ODAD2: variants seen among roughly 807,000 people sequenced by gnomAD.
ODAD2 encodes outer dynein arm-docking complex subunit 2.
In ODAD2, 89 loss-of-function variants were observed where a neutral mutation model predicts 106.8. That is an observed-to-expected ratio of 0.83 (90% CI 0.70 to 0.99). The LOEUF (loss-of-function observed/expected upper bound fraction) is 0.99, where lower values mean the gene tolerates loss of function less well. Among genes scored for constraint, ODAD2 ranks in the 50% least tolerant of loss-of-function variants. The pLI, the probability that ODAD2 is intolerant of heterozygous loss-of-function variation, is 0.00. For synonymous variants in ODAD2, 404 were observed against 436.2 expected (o/e 0.93, Z 0.92); for missense variants, 1,168 against 1,238.5 (o/e 0.94, Z 0.85).
intron 19 of ODAD2, among the ~76,000 whole-genome samples, chr10:27,825,615 A>G (rs1408584441): frequency 6.6e-6 from 1 of 152,218 alleles, no homozygotes; most frequent in Non-Finnish European, 1.5e-5. Flanking sequence ...CTTCATGACT[A>G]AGCTATTAAT....
At chr10:27,854,712 C>A (rs1402174031) in intron 19 of ODAD2, among the ~76,000 whole-genome samples, 4 of 151,924 alleles carry the variant, frequency 2.6e-5, no homozygotes, top group African/African-American at 9.7e-5. Context: ...GCCCAGATCG[C>A]GCCACTGAAC....
At chr10:27,973,474 C>G (rs1338248443) in intron 7 of ODAD2, among the ~76,000 whole-genome samples, 1 of 152,060 alleles carries the variant, frequency 6.6e-6, no homozygotes, top group Non-Finnish European at 1.5e-5. Context: ...TTTTTCTGAT[C>G]TTCTCCCTCC....
At chr10:27,871,538 T>A (rs1051187149) in intron 17 of ODAD2, among the ~76,000 whole-genome samples, 2 of 152,186 alleles carry the variant, frequency 1.3e-5, no homozygotes, top group African/African-American at 4.8e-5. Flanking sequence ...TTGTATAAGG[T>A]GCAAGGAAGG....
At chr10:27,884,411 A>G (rs994477657) in intron 17 of ODAD2, among the ~76,000 whole-genome samples, 17 of 152,186 alleles carry the variant, frequency 1.1e-4, no homozygotes, top group Admixed American at 3.9e-4. Context: ...ATTTCCTGGC[A>G]CTTTTATTTG....
chr10:27,982,533 A>T (rs1849620368), intron 6 of ODAD2, among the ~76,000 whole-genome samples: 1 of 152,168 alleles, frequency 6.6e-6, no homozygotes, highest in Non-Finnish European at 1.5e-5. Context: ...GCAAAATCTT[A>T]TTTGTCTACT....
At chr10:27,895,717 G>A (rs538413563) in intron 17 of ODAD2, among the ~76,000 whole-genome samples, 20 of 152,270 alleles carry the variant, frequency 1.3e-4, no homozygotes, top group African/African-American at 4.6e-4. Context: ...TCATCATCAC[G>A]CAAAGTGCTA....
chr10:27,823,441 A>C (rs137901082), intron 19 of ODAD2, among the ~76,000 whole-genome samples: 206 of 152,300 alleles, frequency 1.4e-3, no homozygotes, highest in African/African-American at 4.7e-3. Flanking sequence ...CTGAATTTGA[A>C]TCCTGACTTC....
At chr10:27,971,009 A>C in intron 8 of ODAD2, 99 bp downstream of exon 8, 1 of 222,584 alleles carries the variant, frequency 4.5e-6, no homozygotes, top group African/African-American at 8.7e-5. Context: ...TAAATAAATA[A>C]ACAAACAAAC....
At chr10:27,815,247 C>T (rs1400927975) in intron 19 of ODAD2, among the ~76,000 whole-genome samples, 1 of 152,210 alleles carries the variant, frequency 6.6e-6, no homozygotes, top group Non-Finnish European at 1.5e-5. Flanking sequence ...CAAATACTCC[C>T]TGTTTCTCTT....
At chr10:27,835,028 G>T (rs1240306436) in intron 19 of ODAD2, among the ~76,000 whole-genome samples, 1 of 152,188 alleles carries the variant, frequency 6.6e-6, no homozygotes. Context: ...ACAACCGAAG[G>T]CGCAGGGGTT....
chr10:27,970,183 T>C (rs1848755400), intron 8 of ODAD2, among the ~76,000 whole-genome samples: 1 of 152,094 alleles, frequency 6.6e-6, no homozygotes, highest in African/African-American at 2.4e-5. Flanking sequence ...AGCATTTACG[T>C]AGCATTGGCC....
chr10:27,829,670 A>G (rs971094154), intron 19 of ODAD2, among the ~76,000 whole-genome samples: 2 of 152,226 alleles, frequency 1.3e-5, no homozygotes, highest in Non-Finnish European at 2.9e-5. Flanking sequence ...AAGCCCCCTA[A>G]TAATCCCCTA....
chr10:27,930,229 T>C (rs1368618400), intron 16 of ODAD2, among the ~76,000 whole-genome samples: 1 of 152,186 alleles, frequency 6.6e-6, no homozygotes, highest in Non-Finnish European at 1.5e-5. Flanking sequence ...TAGGTTGCCT[T>C]ATAAAATCTT....
chr10:27,853,970 G>T (rs2133253401), intron 19 of ODAD2, among the ~76,000 whole-genome samples: 1 of 152,066 alleles, frequency 6.6e-6, no homozygotes, highest in Admixed American at 6.6e-5. Context: ...CTACAGACGG[G>T]GAGAAAATAT....
At chr10:27,951,679 C>T (rs1342699260) in intron 10 of ODAD2, among the ~76,000 whole-genome samples, 1 of 151,172 alleles carries the variant, frequency 6.6e-6, no homozygotes, top group African/African-American at 2.4e-5. Context: ...TATTTTTGTC[C>T]ATTTAGAATG....
chr10:27,939,383 G>C (rs1157926272), intron 14 of ODAD2, among the ~76,000 whole-genome samples: 1 of 151,178 alleles, frequency 6.6e-6, no homozygotes, highest in African/African-American at 2.4e-5. Flanking sequence ...ACAGGACAAT[G>C]GTTCTTAGAC....
At chr10:27,977,240 G>C (rs1849246445) in intron 7 of ODAD2, among the ~76,000 whole-genome samples, 1 of 152,154 alleles carries the variant, frequency 6.6e-6, no homozygotes, top group African/African-American at 2.4e-5. Flanking sequence ...GAAGACTCTT[G>C]CTCTTTGAAA....
intron 19 of ODAD2, among the ~76,000 whole-genome samples, chr10:27,847,159 A>T (rs975297605): frequency 6.6e-6 from 1 of 152,186 alleles, no homozygotes; most frequent in African/African-American, 2.4e-5. Context: ...ATGAACATTG[A>T]TGCAAAAATC....
At chr10:27,996,154 A>G (rs1156799949) in intron 1 of ODAD2, among the ~76,000 whole-genome samples, 2 of 152,232 alleles carry the variant, frequency 1.3e-5, no homozygotes, top group Admixed American at 6.5e-5. Flanking sequence ...CAGATAATCT[A>G]TACTTGTTTC....
Sources: gnomAD v4.1 joint callset for allele counts (sites outside exome capture counted in the v4.1 genomes callset) on GRCh38, gnomAD v4.1.1 for gene constraint, MANE v1.5 for transcripts, NCBI Gene and HGNC (gene_info 2026-07-23, HGNC 2026-07-21) for gene names.